CSMD1: variants seen among roughly 807,000 people sequenced by gnomAD.
The protein encoded by CSMD1 is CUB and Sushi multiple domains 1, also known as CUB and sushi domain-containing protein 1.
CSMD1 carries 213 observed loss-of-function variants against 417.5 expected under a neutral mutation model. The ratio of observed to expected loss-of-function variants is 0.51; its 90% confidence interval spans 0.46 to 0.57. The LOEUF (loss-of-function observed/expected upper bound fraction) is 0.57. Among genes scored for constraint, CSMD1 ranks in the 20% least tolerant of loss-of-function variants. CSMD1 has a pLI of 0.00. For missense variants in CSMD1, 6,923 were observed against 4,529.7 expected, an observed-to-expected ratio of 1.53 and a Z score of -15.17; for synonymous variants, 2,862 against 1,736.8, an observed-to-expected ratio of 1.65 and a Z score of -16.11.
At chr8:4,667,544 G>C (rs529834137) in intron 1 of CSMD1, among the ~76,000 whole-genome samples, 3 of 151,680 alleles carry the variant, frequency 2.0e-5, no homozygotes, top group Non-Finnish European at 2.9e-5. Context: ...TCCTATATTA[G>C]TGTATTGTAG....
intron 23 of CSMD1, among the ~76,000 whole-genome samples, chr8:3,331,795 T>A (rs1186790120): frequency 6.6e-6 from 1 of 152,226 alleles, no homozygotes; most frequent in Non-Finnish European, 1.5e-5. Context: ...GTGAATGATA[T>A]ATTGAATAGC....
intron 21 of CSMD1, 72 bp downstream of exon 21, chr8:3,359,080 C>A (rs1225804450): frequency 2.7e-6 from 4 of 1,481,176 alleles, no homozygotes; most frequent in Non-Finnish European, 3.7e-6. Flanking sequence ...CGACCCCGAC[C>A]ACCCTAGGCT....
At chr8:4,179,066 A>C (rs1054789773) in intron 3 of CSMD1, among the ~76,000 whole-genome samples, 1 of 152,124 alleles carries the variant, frequency 6.6e-6, no homozygotes, top group African/African-American at 2.4e-5. Context: ...TCACATAATT[A>C]GAAAAAACTA....
rs561479458 is a variant in CSMD1, at chr8:4,802,991, G to A, written c.86-165433C>T. ...TATTTTCAGAATCTTTATGTTATTA[G>A]AGCCAGCAGTAAAGTCACCAGATAT... is the stretch of plus-strand genomic sequence containing the variant. On this transcript the variant is annotated intron_variant, in intron 1 of 69. Transcript: ENST00000635120. Among the ~76,000 whole-genome samples, 5 of 152,284 alleles carry A rather than the reference G, an allele frequency of 3.3e-5. No homozygotes were observed. The South Asian group carries it at 1.0e-3, about 32-fold the overall frequency.
At chr8:3,732,437 A>T (rs1383898039) in intron 6 of CSMD1, among the ~76,000 whole-genome samples, 1 of 152,208 alleles carries the variant, frequency 6.6e-6, no homozygotes, top group Non-Finnish European at 1.5e-5. Flanking sequence ...TCATACTGGA[A>T]GGACTCATTC....
chr8:4,514,104 G>C (rs1207959928), intron 2 of CSMD1, among the ~76,000 whole-genome samples: 2 of 151,984 alleles, frequency 1.3e-5, no homozygotes, highest in East Asian at 1.9e-4. Context: ...TACAGTTCTA[G>C]AGGCTGAAGT....
intron 2 of CSMD1, among the ~76,000 whole-genome samples, chr8:4,504,588 G>A (rs985559070): frequency 1.3e-5 from 2 of 152,066 alleles, no homozygotes; most frequent in African/African-American, 4.8e-5. Flanking sequence ...TAGGTTTTAA[G>A]CCTCGCATGC....
chr8:4,321,559 A>G (rs1252747879), intron 3 of CSMD1, among the ~76,000 whole-genome samples: 2 of 152,140 alleles, frequency 1.3e-5, no homozygotes, highest in Non-Finnish European at 2.9e-5. Context: ...CACAGATATA[A>G]CAGACAATAA....
intron 36 of CSMD1, among the ~76,000 whole-genome samples, 196 bp from the exon 37 acceptor site, chr8:3,181,410 T>C (rs540954046): frequency 9.3e-4 from 142 of 152,380 alleles, no homozygotes; most frequent in African/African-American, 3.4e-3. Flanking sequence ...TTACCCATTG[T>C]CTGCTCTGAC....
intron 2 of CSMD1, among the ~76,000 whole-genome samples, chr8:4,590,382 C>T (rs541914410): frequency 7.9e-5 from 12 of 152,092 alleles, no homozygotes; most frequent in African/African-American, 1.7e-4. Flanking sequence ...AATCAACATG[C>T]GAAGATACTG....
At chr8:4,599,275 A>T (rs1800454037) in intron 2 of CSMD1, among the ~76,000 whole-genome samples, 1 of 152,204 alleles carries the variant, frequency 6.6e-6, no homozygotes, top group Non-Finnish European at 1.5e-5. Context: ...AAGGAGATAA[A>T]CTGTATACTG....
At chr8:3,462,791 G>C (rs1419825175) in intron 12 of CSMD1, among the ~76,000 whole-genome samples, 6 of 151,192 alleles carry the variant, frequency 4.0e-5, no homozygotes, top group South Asian at 2.1e-4. Flanking sequence ...AAAAAGGCTG[G>C]GGACTCTTAT....
chr8:3,924,265 T>C (rs761302655), intron 5 of CSMD1, among the ~76,000 whole-genome samples: 7 of 152,216 alleles, frequency 4.6e-5, no homozygotes, highest in African/African-American at 1.4e-4. Flanking sequence ...GGATACCTTA[T>C]ATGTTGTAAA....
intron 59 of CSMD1, 21 bp downstream of exon 59, chr8:2,965,754 C>T (rs1350306548): frequency 1.3e-6 from 2 of 1,582,370 alleles, no homozygotes; most frequent in Non-Finnish European, 1.7e-6. Flanking sequence ...TCTGTAAAAT[C>T]CAAAGAGTCA....
At chr8:4,790,589 A>G (rs1357715541) in intron 1 of CSMD1, among the ~76,000 whole-genome samples, 1 of 152,204 alleles carries the variant, frequency 6.6e-6, no homozygotes. Flanking sequence ...CTATACAACC[A>G]AGCTACAGTA....
At chr8:3,916,758 A>G (rs1179867974) in intron 5 of CSMD1, among the ~76,000 whole-genome samples, 3 of 152,174 alleles carry the variant, frequency 2.0e-5, no homozygotes, top group Non-Finnish European at 2.9e-5. Context: ...ACAAAACTAG[A>G]GAGAGAAAAA....
intron 5 of CSMD1, among the ~76,000 whole-genome samples, chr8:3,922,322 C>G (rs1809334159): frequency 6.6e-6 from 1 of 151,838 alleles, no homozygotes; most frequent in Admixed American, 6.6e-5. Flanking sequence ...TTATTTATGT[C>G]AATTCAGTCA....
chr8:3,819,879 G>A (rs555320507), intron 5 of CSMD1, among the ~76,000 whole-genome samples: 233 of 152,272 alleles, frequency 1.5e-3, no homozygotes, highest in African/African-American at 5.5e-3. Context: ...ACTAAATCAA[G>A]CAGGGATCCA....
At chr8:4,756,655 G>A (rs1158495813) in intron 1 of CSMD1, among the ~76,000 whole-genome samples, 1 of 152,090 alleles carries the variant, frequency 6.6e-6, no homozygotes, top group African/African-American at 2.4e-5. Flanking sequence ...CGCCCTGGAG[G>A]ATCAGAAAAA....
Sources: allele counts gnomAD v4.1 joint callset (sites outside exome capture counted in the v4.1 genomes callset), GRCh38; gene constraint gnomAD v4.1.1; transcripts MANE v1.5; gene names NCBI Gene and HGNC (gene_info 2026-07-23, HGNC 2026-07-21).